The following PTPRT variants were observed in gnomAD, a reference collection of about 807,000 sequenced individuals.
The protein encoded by PTPRT is protein tyrosine phosphatase receptor type T, also known as receptor-type tyrosine-protein phosphatase T.
PTPRT carries 56 observed loss-of-function variants against 176.8 expected under a neutral mutation model. That is an observed-to-expected ratio of 0.32 (90% CI 0.26 to 0.40). PTPRT has a LOEUF of 0.40. PTPRT is among the 10% of genes least tolerant of loss of function. The pLI is 1.00. For missense variants in PTPRT, 1,540 were observed against 1,908.2 expected (o/e 0.81, Z 3.60); for synonymous variants, 783 against 739.0 (o/e 1.06, Z -0.96).
chr20:42,796,041 T>C (rs923074028), intron 2 of PTPRT, among the ~76,000 whole-genome samples: 4 of 152,190 alleles, frequency 2.6e-5, no homozygotes, highest in Non-Finnish European at 4.4e-5. Context: ...TGCCATGCAA[T>C]CTCTGTTTTA....
chr20:42,323,648 T>C (rs989833537), intron 11 of PTPRT, among the ~76,000 whole-genome samples: 3 of 152,034 alleles, frequency 2.0e-5, no homozygotes, highest in African/African-American at 7.2e-5. Context: ...CATTAGGAGA[T>C]ACACCTAATG....
At chr20:42,633,053 T>C (rs1041639414) in intron 7 of PTPRT, among the ~76,000 whole-genome samples, 2 of 152,202 alleles carry the variant, frequency 1.3e-5, no homozygotes, top group African/African-American at 4.8e-5. Context: ...AATATCTATC[T>C]TCATTTGCTA....
chr20:42,268,436 G>A (rs959487843), intron 13 of PTPRT, among the ~76,000 whole-genome samples: 2 of 152,106 alleles, frequency 1.3e-5, no homozygotes, highest in African/African-American at 2.4e-5. Context: ...GGAACAGCTC[G>A]CACACACTCT....
chr20:42,699,257 C>T (rs1172924525), intron 6 of PTPRT, among the ~76,000 whole-genome samples: 1 of 152,154 alleles, frequency 6.6e-6, no homozygotes. Context: ...TGGTCACATA[C>T]ACCAAATCAC....
chr20:42,687,161 C>T (rs6016873), intron 6 of PTPRT: 1 of 152,204 alleles, frequency 6.6e-6, no homozygotes, highest in Non-Finnish European at 1.5e-5. Context: ...CAGTGACAGC[C>T]TTAACTGATA....
chr20:42,499,755 C>A (rs768676169), intron 7 of PTPRT, among the ~76,000 whole-genome samples: 21 of 152,144 alleles, frequency 1.4e-4, no homozygotes, highest in Admixed American at 3.3e-4. Context: ...ACACCTCCAA[C>A]AAGATGTCCA....
At chr20:42,326,165 G>A (rs2057878943) in intron 11 of PTPRT, among the ~76,000 whole-genome samples, 1 of 152,170 alleles carries the variant, frequency 6.6e-6, no homozygotes. Context: ...GGGAAAAAGC[G>A]GCTGGATCAA....
chr20:43,100,881 T>C (rs117849296), intron 1 of PTPRT, among the ~76,000 whole-genome samples: 2,066 of 151,244 alleles, frequency 0.014, 29 homozygotes, highest in Middle Eastern at 0.024. Context: ...ATCACTCTTG[T>C]GCACATGTGT....
At chr20:43,111,255 A>T (rs974103326) in intron 1 of PTPRT, among the ~76,000 whole-genome samples, 2 of 152,122 alleles carry the variant, frequency 1.3e-5, no homozygotes, top group Admixed American at 6.5e-5. Context: ...GAATGGTCAC[A>T]TAGGCTGGGC....
intron 7 of PTPRT, among the ~76,000 whole-genome samples, chr20:42,557,827 T>C (rs889042106): frequency 6.6e-6 from 1 of 152,210 alleles, no homozygotes. Context: ...AGCTCCAATG[T>C]TGAAATTCTC....
At chr20:42,442,728 G>A (rs1422522999) in intron 9 of PTPRT, among the ~76,000 whole-genome samples, 3 of 152,160 alleles carry the variant, frequency 2.0e-5, no homozygotes, top group Non-Finnish European at 4.4e-5. Context: ...ATTTTTGGAC[G>A]AAGACGAGAA....
At chr20:42,326,225 C>A (rs2057879730) in intron 11 of PTPRT, among the ~76,000 whole-genome samples, 1 of 152,174 alleles carries the variant, frequency 6.6e-6, no homozygotes, top group Admixed American at 6.5e-5. Flanking sequence ...ATATGGGGAC[C>A]TTTGCTAAAG....
intron 1 of PTPRT, among the ~76,000 whole-genome samples, chr20:43,181,643 G>A (rs2015261784): frequency 6.6e-6 from 1 of 152,104 alleles, no homozygotes; most frequent in Non-Finnish European, 1.5e-5. Context: ...ATAAATGCAT[G>A]CTGTTTAAAA....
chr20:42,874,326 C>T (rs2078895023), intron 2 of PTPRT, among the ~76,000 whole-genome samples: 1 of 152,048 alleles, frequency 6.6e-6, no homozygotes, highest in Non-Finnish European at 1.5e-5. Flanking sequence ...TTCACTGTAT[C>T]TGCATTTACA....
At chr20:43,124,725 A>G (rs149424515) in intron 1 of PTPRT, among the ~76,000 whole-genome samples, 117 of 152,332 alleles carry the variant, frequency 7.7e-4, no homozygotes, top group Non-Finnish European at 1.5e-3. Flanking sequence ...CGTGTAGAAA[A>G]CAAAGATACA....
chr20:42,175,951 T>A (rs1202467920), intron 16 of PTPRT, among the ~76,000 whole-genome samples: 1 of 152,218 alleles, frequency 6.6e-6, no homozygotes, highest in African/African-American at 2.4e-5. Context: ...CATCCCCATC[T>A]GAGGGTCCCA....
chr20:42,051,782 G>A, the PTPRT span, among the ~76,000 whole-genome samples: 3 of 152,230 alleles, frequency 2.0e-5, no homozygotes, highest in Non-Finnish European at 4.4e-5. Flanking sequence ...TCCGACTGAA[G>A]TCACAGTTAT....
chr20:43,188,036 A>G (rs2015439583), intron 1 of PTPRT, among the ~76,000 whole-genome samples: 2 of 152,124 alleles, frequency 1.3e-5, no homozygotes, highest in Non-Finnish European at 2.9e-5. Context: ...GTGATGGAAT[A>G]TTTTTGATCC....
At chr20:42,220,414 C>A (rs16986682) in intron 15 of PTPRT, among the ~76,000 whole-genome samples, 2,292 of 151,918 alleles carry the variant, frequency 0.015, 50 homozygotes, top group African/African-American at 0.053. Context: ...CATTTATTTC[C>A]AAAAAAGAAC....
Sources: gnomAD v4.1 joint callset for allele counts (sites outside exome capture counted in the v4.1 genomes callset) on GRCh38, gnomAD v4.1.1 for gene constraint, MANE v1.5 for transcripts, NCBI Gene and HGNC (gene_info 2026-07-23, HGNC 2026-07-21) for gene names.